SLC30A7: variants seen among roughly 807,000 people sequenced by gnomAD.
The protein encoded by SLC30A7 is solute carrier family 30 member 7, also known as zinc transporter 7.
In SLC30A7, 35 loss-of-function variants were observed where a neutral mutation model predicts 46.0. That is an observed-to-expected ratio of 0.76 (90% confidence interval 0.58 to 1.01). SLC30A7 has a LOEUF of 1.01. Among genes scored for constraint, SLC30A7 ranks in the 50% least tolerant of loss-of-function variants. The pLI is 0.00. For missense variants in SLC30A7, 464 were observed against 451.1 expected, an observed-to-expected ratio of 1.03 and a Z score of -0.26; for synonymous variants, 147 against 157.8, an observed-to-expected ratio of 0.93 and a Z score of 0.51.
At position 100,978,767 on chromosome 1, in the gene SLC30A7, C is replaced by T. The variant is rs1368163873; in HGVS notation, c.*3910C>T. On this transcript the variant is annotated 3_prime_UTR_variant, in exon 11 of 11. Coordinates refer to ENST00000357650, the MANE Select transcript of SLC30A7 (RefSeq NM_133496.5). The stretch of plus-strand genomic sequence containing the variant: ...AATGGACTTTTATTGTCTCATTTTT[C>T]GTATATAATTATTTCCATCATATTC... 1 of 152,068 alleles carries T rather than the reference C, an allele frequency of 6.6e-6. No individual in the cohort carries two copies. 9.4% of individuals were successfully genotyped at this position (152,068 alleles called of 1,614,324 possible).
intron 10 of SLC30A7, among the ~76,000 whole-genome samples, chr1:100,968,150 T>C (rs1231722272): frequency 6.6e-6 from 1 of 152,194 alleles, no homozygotes; most frequent in Non-Finnish European, 1.5e-5. Flanking sequence ...TATTGTACTA[T>C]TATTTTGACT....
At chr1:100,940,676 GAC>G (rs1374172636) in intron 8 of SLC30A7, among the ~76,000 whole-genome samples, 5 of 152,276 alleles carry the variant, frequency 3.3e-5, no homozygotes, top group African/African-American at 1.2e-4. Context: ...TATTTTTAAA[GAC>G]ACATTCAGTG....
intron 2 of SLC30A7, among the ~76,000 whole-genome samples, chr1:100,906,216 A>G (rs1202615196): frequency 6.6e-6 from 1 of 152,132 alleles, no homozygotes; most frequent in Non-Finnish European, 1.5e-5. Flanking sequence ...CTCCACTCTC[A>G]GCTTTTAGCA....
At chr1:100,941,848 C>A in intron 8 of SLC30A7, 1 of 500,214 alleles carries the variant, frequency 2.0e-6, no homozygotes, top group Non-Finnish European at 3.8e-6. Context: ...GTGTTTGGAT[C>A]TCCCATTACC....
intron 6 of SLC30A7, among the ~76,000 whole-genome samples, chr1:100,915,813 G>A (rs1652505948): frequency 1.3e-5 from 2 of 152,134 alleles, no homozygotes; most frequent in Admixed American, 6.5e-5. Flanking sequence ...TGATCATACG[G>A]TAGTTCCATT....
intron 10 of SLC30A7, chr1:100,972,531 C>T (rs1014113612): frequency 6.6e-5 from 10 of 152,546 alleles, no homozygotes; most frequent in African/African-American, 2.2e-4. Context: ...TTACCATCTT[C>T]TCTGTTTAGG....
At chr1:100,916,704 C>CTTTTTTTTTTT (rs33980397) in intron 6 of SLC30A7, among the ~76,000 whole-genome samples, 2 of 92,322 alleles carry the variant, frequency 2.2e-5, no homozygotes, top group Non-Finnish European at 2.1e-5. Context: ...TTCATTCATT[C>CTTTTTTTTTTT]TTTTTTTTTT....
At chr1:100,960,864 C>G (rs879790180) in intron 8 of SLC30A7, among the ~76,000 whole-genome samples, 7 of 151,122 alleles carry the variant, frequency 4.6e-5, no homozygotes, top group Non-Finnish European at 1.0e-4. Context: ...AAATAAAACT[C>G]TAAGGTGAAT....
intron 8 of SLC30A7, among the ~76,000 whole-genome samples, chr1:100,922,888 G>A (rs2101034015): frequency 6.6e-6 from 1 of 150,898 alleles, no homozygotes; most frequent in South Asian, 2.1e-4. Context: ...TGTCTTGACT[G>A]GACTGTTTTT....
chr1:100,984,727 A>C (rs140032068), downstream of SLC30A7, among the ~76,000 whole-genome samples: 19 of 152,338 alleles, frequency 1.2e-4, no homozygotes, highest in African/African-American at 4.6e-4. Context: ...TCACAACATA[A>C]TATTCAAAAT....
At chr1:100,908,366 G>T (rs1651832623) in intron 3 of SLC30A7, among the ~76,000 whole-genome samples, 1 of 152,158 alleles carries the variant, frequency 6.6e-6, no homozygotes, top group Admixed American at 6.5e-5. Context: ...ATCTAATGAT[G>T]TAAAAACATG....
chr1:100,956,554 TCTC>T (rs1245449897), intron 8 of SLC30A7, among the ~76,000 whole-genome samples: 1 of 152,198 alleles, frequency 6.6e-6, no homozygotes, highest in African/African-American at 2.4e-5. Context: ...TTAAGGCTGA[TCTC>T]CTCAAGGATT....
At chr1:100,947,522 A>G (rs1012279473) in intron 8 of SLC30A7, among the ~76,000 whole-genome samples, 1 of 152,200 alleles carries the variant, frequency 6.6e-6, no homozygotes, top group Non-Finnish European at 1.5e-5. Flanking sequence ...AGAAGAATGT[A>G]TATTCTGTTG....
At chr1:100,995,167 A>C in the SLC30A7 span, 1 of 1,534,452 alleles carries the variant, frequency 6.5e-7, no homozygotes, top group Non-Finnish European at 9.0e-7. Flanking sequence ...AAGTAAAAAT[A>C]GTTCTTTTAA....
At chr1:100,960,760 C>T (rs759689528) in intron 8 of SLC30A7, among the ~76,000 whole-genome samples, 24 of 151,988 alleles carry the variant, frequency 1.6e-4, no homozygotes, top group African/African-American at 4.8e-4. Flanking sequence ...AGCAGTAGAA[C>T]AGTACATTAC....
chr1:100,988,362 C>A, the SLC30A7 span, among the ~76,000 whole-genome samples: 2 of 152,096 alleles, frequency 1.3e-5, no homozygotes, highest in Non-Finnish European at 2.9e-5. Flanking sequence ...AGTTTTTAGA[C>A]CATTGTTTAT....
At position 100,898,300 on chromosome 1, in the gene SLC30A7, A is replaced by T. The variant is rs190805642; in HGVS notation, c.182+1629A>T. 1.5e-3 allele frequency among the ~76,000 whole-genome samples: 235 copies of T among 152,302 alleles called. 1 individual carries two copies. Among genetic ancestry groups the T allele is most frequent in the Admixed American group, 2.5e-3 (38 of 15,302 alleles). ...CTAAACCACCTTTCATGGAAAGTTA[A>T]GTATATAGTAACTCTTTTGATCTGT... On this transcript the variant is annotated intron_variant, in intron 2 of 10. Coordinates refer to ENST00000357650, the MANE Select transcript of SLC30A7 (RefSeq NM_133496.5).
intron 8 of SLC30A7, among the ~76,000 whole-genome samples, chr1:100,930,365 G>A (rs963593746): frequency 6.6e-6 from 1 of 151,906 alleles, no homozygotes; most frequent in African/African-American, 2.4e-5. Context: ...CTGAGGTACA[G>A]ACTTTAGAAA....
the SLC30A7 span, among the ~76,000 whole-genome samples, chr1:100,991,071 T>C: frequency 6.6e-6 from 1 of 152,236 alleles, no homozygotes; most frequent in Non-Finnish European, 1.5e-5. Context: ...TGCCTTGCCA[T>C]CCAATTAGCT....
Sources: allele counts gnomAD v4.1 joint callset (sites outside exome capture counted in the v4.1 genomes callset), GRCh38; gene constraint gnomAD v4.1.1; transcripts MANE v1.5; gene names NCBI Gene and HGNC (gene_info 2026-07-23, HGNC 2026-07-21).